Variants in ME1 observed in about 807,000 individuals in gnomAD.
The protein encoded by ME1 is NADP-dependent malic enzyme.
Under a neutral mutation model 66.4 loss-of-function variants are expected in ME1, and 74 were observed. That is an observed-to-expected ratio of 1.11 (90% CI 0.92 to 1.35). The LOEUF is 1.35. ME1 is among the 40% of genes most tolerant of loss of function. The pLI is 0.00. For missense variants in ME1, 750 were observed against 694.1 expected (o/e 1.08, Z -0.90); for synonymous variants, 251 against 235.6 (o/e 1.07, Z -0.60).
intron 1 of ME1, among the ~76,000 whole-genome samples, chr6:83,416,986 G>A (rs991947096): frequency 6.6e-6 from 1 of 151,896 alleles, no homozygotes; most frequent in Non-Finnish European, 1.5e-5. Flanking sequence ...CATGTATCTG[G>A]AAATAACATT....
chr6:83,429,646 C>T (rs779472155), intron 1 of ME1, among the ~76,000 whole-genome samples: 1 of 152,118 alleles, frequency 6.6e-6, no homozygotes, highest in African/African-American at 2.4e-5. Context: ...TGCTACATGA[C>T]GGCAGATAGC....
intron 2 of ME1, among the ~76,000 whole-genome samples, chr6:83,404,647 G>A (rs750698683): frequency 6.5e-4 from 99 of 152,234 alleles, no homozygotes; most frequent in Non-Finnish European, 9.9e-4. Flanking sequence ...TAGGTCTTAC[G>A]TTTAAATCGT....
intron 6 of ME1, among the ~76,000 whole-genome samples, chr6:83,261,166 C>T (rs878959312): frequency 6.6e-6 from 1 of 152,054 alleles, no homozygotes; most frequent in African/African-American, 2.4e-5. Flanking sequence ...ACTGGTATGA[C>T]ATGGTATCTC....
intron 5 of ME1, among the ~76,000 whole-genome samples, chr6:83,332,980 T>A (rs1288237369): frequency 6.6e-6 from 1 of 152,212 alleles, no homozygotes; most frequent in African/African-American, 2.4e-5. Context: ...GGCATCTTAG[T>A]TCCTTAAATT....
chr6:83,216,639 G>T (rs113524520), intron 12 of ME1, 43 bp from the exon 13 acceptor site: 2 of 1,332,476 alleles, frequency 1.5e-6, no homozygotes, highest in Middle Eastern at 1.8e-4. Flanking sequence ...TACTTCACAC[G>T]ATACAATGTG....
At chr6:83,361,336 G>T (rs1387099046) in intron 3 of ME1, among the ~76,000 whole-genome samples, 2 of 152,176 alleles carry the variant, frequency 1.3e-5, no homozygotes, top group African/African-American at 2.4e-5. Flanking sequence ...CAAGAAAAAG[G>T]CACAATGCCT....
chr6:83,214,170 C>T (rs1416635244), intron 13 of ME1, among the ~76,000 whole-genome samples: 7 of 152,122 alleles, frequency 4.6e-5, no homozygotes, highest in Non-Finnish European at 8.8e-5. Context: ...CTTAAGATGG[C>T]TATGTTAATT....
intron 6 of ME1, among the ~76,000 whole-genome samples, chr6:83,297,421 A>T (rs1767619833): frequency 2.6e-5 from 4 of 152,036 alleles, no homozygotes; most frequent in African/African-American, 9.7e-5. Context: ...TTCCAATCAA[A>T]CTATCAATTA....
In ME1 at chr6:83,429,217, C is replaced by T. The variant is rs142513682; in HGVS notation, c.78+1660G>A. The stretch of plus-strand genomic sequence containing the variant: ...GGTGGAGCTTGCAGTGAGCGGAGAT[C>T]GCGCCACTGCACTCCAACCTGGGCG... On this transcript the variant is annotated intron_variant, in intron 1 of 13. Coordinates refer to ENST00000369705, the MANE Select transcript of ME1 (RefSeq NM_002395.6). Among the ~76,000 whole-genome samples, 876 of 152,222 alleles carry T rather than the reference C, an allele frequency of 5.8e-3. 8 individuals carry two copies. Among genetic ancestry groups the T allele is most frequent in the African/African-American group, 0.02 (838 of 41,536 alleles).
chr6:83,282,034 A>G (rs1338973814), intron 6 of ME1, among the ~76,000 whole-genome samples: 1 of 151,812 alleles, frequency 6.6e-6, no homozygotes. Flanking sequence ...ATAGAATTGA[A>G]AGTTTCATCA....
intron 5 of ME1, among the ~76,000 whole-genome samples, chr6:83,344,390 T>C (rs1249410395): frequency 2.6e-5 from 4 of 152,008 alleles, no homozygotes; most frequent in African/African-American, 9.7e-5. Flanking sequence ...ATATATTACA[T>C]ATTTTTGTGA....
chr6:83,381,406 T>G (rs1769395968), intron 3 of ME1, among the ~76,000 whole-genome samples: 1 of 152,114 alleles, frequency 6.6e-6, no homozygotes, highest in South Asian at 2.1e-4. Context: ...TTCTTTTTTT[T>G]TTTTTTTGAG....
chr6:83,317,122 G>A (rs1192744117), intron 5 of ME1, among the ~76,000 whole-genome samples: 3 of 152,142 alleles, frequency 2.0e-5, no homozygotes, highest in Non-Finnish European at 4.4e-5. Context: ...AGAAGAAAAT[G>A]TTCAGTTTGT....
At chr6:83,289,868 T>C (rs1409033016) in intron 6 of ME1, among the ~76,000 whole-genome samples, 2 of 152,206 alleles carry the variant, frequency 1.3e-5, no homozygotes, top group Non-Finnish European at 2.9e-5. Flanking sequence ...TGGGAGGTTG[T>C]ATGTGTCCAG....
chr6:83,422,312 G>C (rs953876260), intron 1 of ME1, among the ~76,000 whole-genome samples: 1 of 152,162 alleles, frequency 6.6e-6, no homozygotes, highest in Admixed American at 6.5e-5. Flanking sequence ...GGAACCGCAG[G>C]CCACAGGTGG....
intron 6 of ME1, among the ~76,000 whole-genome samples, chr6:83,264,877 T>C (rs1766960570): frequency 6.6e-6 from 1 of 152,244 alleles, no homozygotes; most frequent in Admixed American, 6.5e-5. Flanking sequence ...TATTTAGATT[T>C]GGAATATCAC....
At chr6:83,378,221 A>G (rs542611942) in intron 3 of ME1, among the ~76,000 whole-genome samples, 112 of 152,274 alleles carry the variant, frequency 7.4e-4, no homozygotes, top group Admixed American at 1.5e-3. Flanking sequence ...AGACAGGAAA[A>G]AGATGTTCTA....
At chr6:83,369,719 GGAAGGAAA>G (rs1769162023) in intron 3 of ME1, among the ~76,000 whole-genome samples, 1 of 141,112 alleles carries the variant, frequency 7.1e-6, no homozygotes, top group African/African-American at 2.6e-5. Flanking sequence ...AAGGAAGGAA[GGAAGGAAA>G]TAAATGAAAT....
intron 5 of ME1, among the ~76,000 whole-genome samples, chr6:83,320,592 T>G (rs1396258976): frequency 1.3e-5 from 2 of 152,224 alleles, no homozygotes; most frequent in African/African-American, 2.4e-5. Context: ...GAAGTTGAAG[T>G]GCCAATGTGC....
Sources: gnomAD v4.1 joint callset for allele counts (sites outside exome capture counted in the v4.1 genomes callset) on GRCh38, gnomAD v4.1.1 for gene constraint, MANE v1.5 for transcripts, NCBI Gene and HGNC (gene_info 2026-07-23, HGNC 2026-07-21) for gene names.